Variants in SLCO1B1 observed in about 807,000 individuals in gnomAD.
SLCO1B1 encodes OATP-2.
In SLCO1B1, 81 loss-of-function variants were observed where a neutral mutation model predicts 70.1. The ratio of observed to expected loss-of-function variants is 1.16; its 90% CI spans 0.97 to 1.39. The LOEUF is 1.39. Ranked by LOEUF, SLCO1B1 falls within the 40% of genes most tolerant of loss-of-function variation. The pLI is 0.00. For missense variants in SLCO1B1, 895 were observed against 799.6 expected (o/e 1.12, Z -1.44); for synonymous variants, 283 against 271.5 (o/e 1.04, Z -0.42).
At chr12:21,209,207 C>G (rs528419705) in intron 11 of SLCO1B1, among the ~76,000 whole-genome samples, 13 of 151,930 alleles carry the variant, frequency 8.6e-5, no homozygotes, top group Admixed American at 2.0e-4. Flanking sequence ...ATCCCTCCCC[C>G]CTCCTCCCAC....
intron 7 of SLCO1B1, among the ~76,000 whole-genome samples, chr12:21,194,081 G>A (rs1050359731): frequency 6.6e-5 from 10 of 152,164 alleles, no homozygotes; most frequent in South Asian, 6.2e-4. Flanking sequence ...GTGAGCCACC[G>A]TGCCCGGCCA....
At chr12:21,197,856 G>T (rs4149063) in intron 8 of SLCO1B1, among the ~76,000 whole-genome samples, 19,944 of 152,108 alleles carry the variant, frequency 0.13, 1,896 homozygotes, top group South Asian at 0.31. Flanking sequence ...AAATTAGGAT[G>T]CATCAGCATT....
At position 21,209,673 on chromosome 12, in the gene SLCO1B1, CAACAGTGTA is replaced by C. The variant is rs1458473568; in HGVS notation, c.1497+3643_1497+3651del. Among the ~76,000 whole-genome samples, 908 of 151,686 alleles carry C rather than the reference CAACAGTGTA, an allele frequency of 6.0e-3. 15 individuals carry two copies. Among genetic ancestry groups the C allele is most frequent in the African/African-American group, 0.021 (869 of 41,392 alleles). ...TGGTTAAACTAGTTTACAGTCCCAC[CAACAGTGTA>C]AAAGTGTTCCTATTTCTCCACATCC... On this transcript the variant is annotated intron_variant, in intron 11 of 14. Transcript: ENST00000256958.
At chr12:21,175,401 A>G (rs1033669061) in intron 4 of SLCO1B1, among the ~76,000 whole-genome samples, 2 of 152,174 alleles carry the variant, frequency 1.3e-5, no homozygotes, top group African/African-American at 4.8e-5. Context: ...CATTTACCAG[A>G]TGTTAGTTAC....
intron 2 of SLCO1B1, among the ~76,000 whole-genome samples, chr12:21,151,061 T>C (rs1940464770): frequency 6.6e-6 from 1 of 152,222 alleles, no homozygotes; most frequent in African/African-American, 2.4e-5. Context: ...ACCTAGATAT[T>C]ATAGCCTACT....
chr12:21,175,475 G>A (rs944452294), intron 4 of SLCO1B1, among the ~76,000 whole-genome samples: 12 of 152,026 alleles, frequency 7.9e-5, no homozygotes, highest in South Asian at 4.1e-4. Flanking sequence ...CCAAGTTCCC[G>A]GTTAAAAATC....
At chr12:21,159,379 A>G (rs1436933022) in intron 2 of SLCO1B1, among the ~76,000 whole-genome samples, 1 of 152,176 alleles carries the variant, frequency 6.6e-6, no homozygotes, top group Non-Finnish European at 1.5e-5. Context: ...TTATTTTAAT[A>G]CAGGTCTCAT....
At position 21,239,385 on chromosome 12, in the gene SLCO1B1, T is replaced by G; in HGVS notation, c.*196T>G. The G allele has an allele frequency of 1.8e-6, 1 of 548,054 alleles. No homozygotes were observed. The highest frequency in any genetic ancestry group is 3.2e-5 in the East Asian group (1 of 31,448). 33.9% of individuals were successfully genotyped at this position (548,054 alleles called of 1,614,324 possible). On this transcript the variant is annotated 3_prime_UTR_variant, in exon 15 of 15. Transcript: ENST00000256958. Reference sequence around the variant, plus strand: ...AAAAATGAGAGTACTCATTGTTACATTATAGCTACATATTTGTGGTTAAGG... The same window carrying G: ...AAAAATGAGAGTACTCATTGTTACAGTATAGCTACATATTTGTGGTTAAGG...
chr12:21,141,442 C>A (rs991022886), intron 1 of SLCO1B1, 72 bp from the exon 2 acceptor site: 43 of 573,258 alleles, frequency 7.5e-5, no homozygotes, highest in Non-Finnish European at 1.2e-4. Flanking sequence ...TGATGATGAT[C>A]TTGTGGCTTT....
At chr12:21,195,865 G>C (rs1025937386) in intron 7 of SLCO1B1, among the ~76,000 whole-genome samples, 1 of 152,152 alleles carries the variant, frequency 6.6e-6, no homozygotes, top group African/African-American at 2.4e-5. Context: ...CGCAAGGGTA[G>C]TACCTGAAAA....
chr12:21,143,849 T>C (rs936063753), intron 2 of SLCO1B1, among the ~76,000 whole-genome samples: 12 of 152,080 alleles, frequency 7.9e-5, no homozygotes. Flanking sequence ...AATTATTGAG[T>C]GTCAAGCAAC....
intron 9 of SLCO1B1, 136 bp downstream of exon 9, chr12:21,200,808 C>A: frequency 1.4e-6 from 1 of 695,346 alleles, no homozygotes; most frequent in Non-Finnish European, 2.3e-6. Flanking sequence ...TATTCTTTCT[C>A]AAATGTTATT....
At chr12:21,131,570 A>C (rs1940133623) in intron 1 of SLCO1B1, among the ~76,000 whole-genome samples, 1 of 152,112 alleles carries the variant, frequency 6.6e-6, no homozygotes, top group Non-Finnish European at 1.5e-5. Flanking sequence ...CTACAGGATA[A>C]TTATTTTTGT....
At chr12:21,140,945 A>G (rs1940299448) in intron 1 of SLCO1B1, among the ~76,000 whole-genome samples, 2 of 152,020 alleles carry the variant, frequency 1.3e-5, no homozygotes, top group Admixed American at 1.3e-4. Flanking sequence ...AAGCAATACC[A>G]GAGTTGCTCT....
rs552425382 is a variant in SLCO1B1, at chr12:21,158,519, C to A, written c.85-14131C>A. The stretch of plus-strand genomic sequence containing the variant: ...GATGAGCCTGGCCAACATAGTGAAA[C>A]CCCATCTCTACTAAAAATACAAAAA... On this transcript the variant is annotated intron_variant, in intron 2 of 14. Transcript: ENST00000256958. 8.5e-5 allele frequency among the ~76,000 whole-genome samples: 13 copies of A among 152,146 alleles called. No homozygotes were observed. The South Asian group carries it at 2.5e-3, about 29-fold the overall frequency.
chr12:21,184,136 TGAGAGAGAAAAA>T (rs1940936555), intron 7 of SLCO1B1, among the ~76,000 whole-genome samples: 1 of 152,078 alleles, frequency 6.6e-6, no homozygotes, highest in Non-Finnish European at 1.5e-5. Context: ...TTGGAATTCC[TGAGAGAGAAAAA>T]GAGAGAGTAA....
rs531266662 is a variant in SLCO1B1 at position 21,137,786 on chromosome 12, C to T, written c.-61-3728C>T. Among the ~76,000 whole-genome samples, 44 of 152,338 alleles carry T rather than the reference C, an allele frequency of 2.9e-4. 1 individual carries two copies. The highest frequency in any genetic ancestry group is 4.0e-4 in the Non-Finnish European group (27 of 68,034). ...GAATTCCCTGACCCCTTGTGCTTCC[C>T]GGGTGAGGCAATGCCTCGCCCTGCT... On this transcript the variant is annotated intron_variant, in intron 1 of 14. Coordinates refer to ENST00000256958, the MANE Select transcript of SLCO1B1 (RefSeq NM_006446.5).
At chr12:21,211,194 G>C (rs976707479) in intron 11 of SLCO1B1, among the ~76,000 whole-genome samples, 8 of 152,052 alleles carry the variant, frequency 5.3e-5, no homozygotes, top group Non-Finnish European at 1.0e-4. Flanking sequence ...ATTGGCTGTG[G>C]GTTTGTCATA....
In SLCO1B1 at chr12:21,200,523, T is replaced by G. The variant is rs764497327; in HGVS notation, c.986T>G (p.Phe329Cys). 3.8e-6 allele frequency: 6 copies of G among 1,576,182 alleles called. No individual in the cohort carries two copies. The highest frequency in any genetic ancestry group is 8.6e-7 in the Non-Finnish European group (1 of 1,159,858). ...TKNVTGFFQSFKSILTNPLYV... is the reference protein window; with the variant it reads ...TKNVTGFFQSCKSILTNPLYV... ...AATTTTACAGGTTTTTTCCAGTCTT[T>G]TAAAAGCATCCTTACTAATCCCCTG... The change falls in exon 9 of 15, where the codon TTT becomes TGT. Residue 329 changes from phenylalanine to cysteine, a missense_variant. Phe to Cys is a radical substitution (Grantham distance 205, BLOSUM62 -2). Coordinates refer to ENST00000256958, the MANE Select transcript of SLCO1B1 (RefSeq NM_006446.5).
Sources: gnomAD v4.1 joint callset for allele counts (sites outside exome capture counted in the v4.1 genomes callset) on GRCh38, gnomAD v4.1.1 for gene constraint, MANE v1.5 for transcripts, NCBI Gene and HGNC (gene_info 2026-07-23, HGNC 2026-07-21) for gene names.